The following ZNF385D variants were observed in gnomAD, a reference collection of about 807,000 sequenced individuals.
ZNF385D encodes zinc finger protein 385D, also known as zinc finger protein 659.
A neutral mutation model predicts 35.8 loss-of-function variants in ZNF385D; 15 were observed. That is an observed-to-expected ratio of 0.42 (90% CI 0.28 to 0.64). The LOEUF is 0.64. ZNF385D is among the 30% of genes least tolerant of loss of function. The probability of loss-of-function intolerance (pLI) is 0.23; values close to 1 mark genes in which losing one functional copy is unlikely to be tolerated. For missense variants in ZNF385D, 474 were observed against 494.6 expected, an observed-to-expected ratio of 0.96 and a Z score of 0.39; for synonymous variants, 212 against 186.8, an observed-to-expected ratio of 1.13 and a Z score of -1.10.
At chr3:22,003,941 G>A (rs1405591992) in intron 3 of ZNF385D, among the ~76,000 whole-genome samples, 2 of 140,430 alleles carry the variant, frequency 1.4e-5, no homozygotes, top group Non-Finnish European at 3.2e-5. Flanking sequence ...AATAGTCAAA[G>A]CAATCCTGAG....
intron 3 of ZNF385D, among the ~76,000 whole-genome samples, chr3:22,065,590 G>A (rs1699902152): frequency 6.6e-6 from 1 of 152,154 alleles, no homozygotes; most frequent in Non-Finnish European, 1.5e-5. Flanking sequence ...TGGGCATGGT[G>A]AAAAGATCAA....
intron 2 of ZNF385D, among the ~76,000 whole-genome samples, chr3:22,177,276 G>T (rs990972778): frequency 6.6e-6 from 1 of 152,130 alleles, no homozygotes; most frequent in Non-Finnish European, 1.5e-5. Flanking sequence ...CTTTCAGCTA[G>T]TTCTACTCTA....
intron 2 of ZNF385D, among the ~76,000 whole-genome samples, chr3:22,356,711 C>T (rs1696166900): frequency 6.6e-6 from 1 of 151,820 alleles, no homozygotes; most frequent in African/African-American, 2.4e-5. Context: ...GACGACAAAT[C>T]AAAGACAATG....
At chr3:21,666,085 T>C (rs1028328216) in intron 1 of ZNF385D, among the ~76,000 whole-genome samples, 6 of 152,216 alleles carry the variant, frequency 3.9e-5, no homozygotes, top group Admixed American at 3.9e-4. Context: ...TTGCCTGCCA[T>C]CTCGTTTTTA....
At chr3:22,000,860 A>T (rs1460591015) in intron 3 of ZNF385D, among the ~76,000 whole-genome samples, 2 of 151,912 alleles carry the variant, frequency 1.3e-5, no homozygotes, top group African/African-American at 4.8e-5. Context: ...AACTGAGGGA[A>T]TTCATTACAA....
At chr3:22,349,822 C>T (rs907138446) in intron 2 of ZNF385D, among the ~76,000 whole-genome samples, 2 of 151,986 alleles carry the variant, frequency 1.3e-5, no homozygotes, top group Admixed American at 1.3e-4. Context: ...CTACTAACTT[C>T]GATAAATTTC....
At chr3:22,024,644 C>A (rs1697428356) in intron 3 of ZNF385D, among the ~76,000 whole-genome samples, 1 of 152,084 alleles carries the variant, frequency 6.6e-6, no homozygotes, top group South Asian at 2.1e-4. Flanking sequence ...ACTGATAGTG[C>A]TTGGCATGAA....
Position 21,663,471 on chromosome 3 carries a change from C to T in ZNF385D, c.165+1415G>A, listed in dbSNP as rs572821892. 1.8e-4 allele frequency among the ~76,000 whole-genome samples: 27 copies of T among 152,072 alleles called. No individual in the cohort carries two copies. In the South Asian group the frequency reaches 3.1e-3, roughly 18 times the overall value. ...AAAAAGCACCTTGATGGGTAATTCC[C>T]CTGGGTGTCTGGGACACAAGGCTGT... On this transcript the variant is annotated intron_variant, in intron 2 of 7. Transcript: ENST00000281523.
intron 4 of ZNF385D, among the ~76,000 whole-genome samples, chr3:21,479,744 A>C (rs749205346): frequency 3.3e-5 from 5 of 152,108 alleles, no homozygotes; most frequent in Non-Finnish European, 5.9e-5. Context: ...CTGCCTCTAT[A>C]ATTTGCTTCA....
intron 1 of ZNF385D, among the ~76,000 whole-genome samples, chr3:21,717,043 G>C (rs1365013569): frequency 6.6e-6 from 1 of 152,280 alleles, no homozygotes; most frequent in Non-Finnish European, 1.5e-5. Context: ...TGAGGCAGGA[G>C]AATCGCTTGA....
At chr3:22,059,653 G>A (rs896828567) in intron 3 of ZNF385D, among the ~76,000 whole-genome samples, 9 of 152,040 alleles carry the variant, frequency 5.9e-5, no homozygotes, top group African/African-American at 1.4e-4. Context: ...TTCTCCAATG[G>A]GTATGTGGAG....
chr3:21,975,382 G>A (rs566751368), intron 3 of ZNF385D, among the ~76,000 whole-genome samples: 1 of 152,032 alleles, frequency 6.6e-6, no homozygotes, highest in African/African-American at 2.4e-5. Context: ...GAGAGAGAGA[G>A]TAAAATCGTG....
At chr3:21,732,045 T>G (rs1417699899) in intron 1 of ZNF385D, among the ~76,000 whole-genome samples, 1,954 of 49,192 alleles carry the variant, frequency 0.04, 447 homozygotes, top group African/African-American at 0.064. Context: ...TTTTTTTTTT[T>G]TTTTTTTTTT....
intron 2 of ZNF385D, among the ~76,000 whole-genome samples, chr3:22,298,618 A>C (rs1702737448): frequency 6.7e-6 from 1 of 149,352 alleles, no homozygotes; most frequent in South Asian, 2.1e-4. Flanking sequence ...AACATGTTAC[A>C]TCTGTGGTTC....
In ZNF385D at chr3:21,465,140, A is replaced by C. The variant is rs958149306; in HGVS notation, c.440-27937T>G. Among the ~76,000 whole-genome samples the C allele has an allele frequency of 1.3e-5, 2 of 152,150 alleles. No homozygotes were observed. Among genetic ancestry groups the C allele is most frequent in the African/African-American group, 4.8e-5 (2 of 41,434 alleles). On this transcript the variant is annotated intron_variant, in intron 4 of 7. Coordinates refer to ENST00000281523, the MANE Select transcript of ZNF385D (RefSeq NM_024697.3). The surrounding 1 kb of genome is among the most constrained non-coding windows in gnomAD (Gnocchi z 4.2). ...TGTCTATATGGAGCATTTTTGTTAA[A>C]TATTTCTTTGCACGTAAGTTTTCAC...
chr3:22,237,184 T>C (rs1699233261), intron 2 of ZNF385D, among the ~76,000 whole-genome samples: 1 of 80,712 alleles, frequency 1.2e-5, no homozygotes, highest in South Asian at 4.8e-4. Context: ...TTGCCAGCAA[T>C]AGTTAATATC....
intron 3 of ZNF385D, among the ~76,000 whole-genome samples, chr3:21,784,563 C>G (rs558155996): frequency 1.3e-5 from 2 of 151,618 alleles, no homozygotes; most frequent in South Asian, 4.2e-4. Flanking sequence ...TAGGTGAGGG[C>G]AGTAAGGAAC....
chr3:22,096,121 A>T (rs1057487306), intron 3 of ZNF385D, among the ~76,000 whole-genome samples: 6 of 148,660 alleles, frequency 4.0e-5, no homozygotes, highest in South Asian at 2.1e-4. Flanking sequence ...CATATAAGGT[A>T]AAAAAAATAT....
intron 5 of ZNF385D, among the ~76,000 whole-genome samples, chr3:21,430,035 T>C (rs1018338052): frequency 6.6e-6 from 1 of 152,120 alleles, no homozygotes; most frequent in Non-Finnish European, 1.5e-5. Flanking sequence ...GAATGTGTAA[T>C]TAGCATCAAA....
Sources: gnomAD v4.1 joint callset for allele counts (sites outside exome capture counted in the v4.1 genomes callset) on GRCh38, gnomAD v4.1.1 for gene constraint, Gnocchi (gnomAD v3.1) non-coding constraint, MANE v1.5 for transcripts, NCBI Gene and HGNC (gene_info 2026-07-23, HGNC 2026-07-21) for gene names.